Variants in ARHGEF7 observed in about 807,000 individuals in gnomAD.
The protein encoded by ARHGEF7 is Rho guanine nucleotide exchange factor 7.
In ARHGEF7, 33 loss-of-function variants were observed where a neutral mutation model predicts 109.8. The ratio of observed to expected loss-of-function variants is 0.30; its 90% CI spans 0.23 to 0.40. The LOEUF (loss-of-function observed/expected upper bound fraction) is 0.40, where lower values mean the gene tolerates loss of function less well. ARHGEF7 is among the 10% of genes least tolerant of loss of function. The probability of loss-of-function intolerance (pLI) is 1.00; values close to 1 mark genes in which losing one functional copy is unlikely to be tolerated. For missense variants in ARHGEF7, 938 were observed against 1,098.5 expected, an observed-to-expected ratio of 0.85 and a Z score of 2.07; for synonymous variants, 458 against 424.6, an observed-to-expected ratio of 1.08 and a Z score of -0.97.
At chr13:111,189,225 G>T (rs1042402070) in intron 2 of ARHGEF7, among the ~76,000 whole-genome samples, 1 of 152,228 alleles carries the variant, frequency 6.6e-6, no homozygotes, top group African/African-American at 2.4e-5. Flanking sequence ...GTCCGGAATT[G>T]GTTCCTTCTG....
chr13:111,195,929 A>G (rs2080447630), intron 2 of ARHGEF7, among the ~76,000 whole-genome samples: 1 of 152,210 alleles, frequency 6.6e-6, no homozygotes, highest in East Asian at 1.9e-4. Flanking sequence ...GGTCCCTATT[A>G]TAGAACACTG....
At chr13:111,132,545 ATTG>A (rs2074810308) in intron 1 of ARHGEF7, among the ~76,000 whole-genome samples, 1 of 152,152 alleles carries the variant, frequency 6.6e-6, no homozygotes, top group African/African-American at 2.4e-5. Flanking sequence ...GTTGAGGACT[ATTG>A]TTGTGAGAAT....
rs1566877331 is a variant in ARHGEF7, at chr13:111,221,580, T to TATATATCTATATATATAGATACATATCG, written c.670+3706_670+3707insCTATATATATAGATACATATCGATATAT. ...ATATCTATATATATAGATACATATC[T>TATATATCTATATATATAGATACATATCG]ATATATATCTATATATAGATATATA... On this transcript the variant is annotated intron_variant, in intron 5 of 21. Coordinates refer to ENST00000646102, the MANE Select transcript of ARHGEF7 (RefSeq NM_001354046.2). Among the ~76,000 whole-genome samples the TATATATCTATATATATAGATACATATCG allele has an allele frequency of 8.3e-4, 63 of 76,330 alleles. 3 individuals are homozygous for TATATATCTATATATATAGATACATATCG. Among genetic ancestry groups the TATATATCTATATATATAGATACATATCG allele is most frequent in the African/African-American group, 1.1e-3 (21 of 19,766 alleles). The allele number at this position is 76,330 out of a possible 152,430, so 50.1% of individuals were successfully genotyped here.
At chr13:111,249,413 A>T (rs2089422749) in intron 8 of ARHGEF7, among the ~76,000 whole-genome samples, 1 of 151,792 alleles carries the variant, frequency 6.6e-6, no homozygotes, top group African/African-American at 2.4e-5. Context: ...AAGCTTTGAG[A>T]AGTTCAGTAT....
chr13:111,177,517 C>T (rs142299891), intron 2 of ARHGEF7, among the ~76,000 whole-genome samples: 37 of 152,286 alleles, frequency 2.4e-4, no homozygotes, highest in Non-Finnish European at 4.7e-4. Context: ...GAGGGTCACA[C>T]CCCCTGAGAA....
intron 2 of ARHGEF7, among the ~76,000 whole-genome samples, chr13:111,199,869 A>G (rs1489775384): frequency 6.6e-6 from 1 of 152,196 alleles, no homozygotes; most frequent in Non-Finnish European, 1.5e-5. Context: ...AACGGGCACC[A>G]GACAGTGACC....
intron 1 of ARHGEF7, among the ~76,000 whole-genome samples, chr13:111,148,593 G>A (rs2075733974): frequency 6.6e-6 from 1 of 152,164 alleles, no homozygotes; most frequent in Non-Finnish European, 1.5e-5. Flanking sequence ...AAGCTGGTTG[G>A]GCCGTCCCAT....
chr13:111,189,360 T>C (rs2079600618), intron 2 of ARHGEF7, among the ~76,000 whole-genome samples: 1 of 152,212 alleles, frequency 6.6e-6, no homozygotes, highest in Admixed American at 6.5e-5. Context: ...CAGAGTTTCT[T>C]CTTTCCGGTG....
chr13:111,229,723 G>T (rs1205827913), intron 5 of ARHGEF7, among the ~76,000 whole-genome samples: 1 of 152,162 alleles, frequency 6.6e-6, no homozygotes, highest in Non-Finnish European at 1.5e-5. Flanking sequence ...TATTTCTACA[G>T]AGAGGAGTAA....
At chr13:111,295,775 C>A (rs1249070800) in intron 19 of ARHGEF7, among the ~76,000 whole-genome samples, 2 of 152,246 alleles carry the variant, frequency 1.3e-5, no homozygotes, top group East Asian at 1.9e-4. Flanking sequence ...ATTACTAAAT[C>A]GTTTTTAAGT....
intron 8 of ARHGEF7, among the ~76,000 whole-genome samples, chr13:111,253,085 C>G (rs1408725): frequency 0.9 from 136,646 of 152,336 alleles, 61,333 homozygotes; most frequent in Admixed American, 0.93. Context: ...CACTTTGGGA[C>G]AAGAAAGCCT....
At chr13:111,190,141 G>T (rs2079705833) in intron 2 of ARHGEF7, among the ~76,000 whole-genome samples, 1 of 152,194 alleles carries the variant, frequency 6.6e-6, no homozygotes, top group Non-Finnish European at 1.5e-5. Flanking sequence ...CTCATTTGGG[G>T]TTCCATTTGT....
At chr13:111,169,076 G>A (rs778689128) in intron 2 of ARHGEF7, among the ~76,000 whole-genome samples, 18 of 152,154 alleles carry the variant, frequency 1.2e-4, no homozygotes, top group Admixed American at 2.0e-4. Flanking sequence ...CAATAGTAGC[G>A]GTTAAGTTTG....
intron 2 of ARHGEF7, among the ~76,000 whole-genome samples, chr13:111,189,167 T>C (rs2079574249): frequency 2.0e-5 from 3 of 152,190 alleles, no homozygotes; most frequent in African/African-American, 7.2e-5. Context: ...AGAACCAGGG[T>C]GCTTTCTTTC....
intron 8 of ARHGEF7, among the ~76,000 whole-genome samples, chr13:111,248,913 G>A (rs2089337373): frequency 6.6e-6 from 1 of 152,144 alleles, no homozygotes. Context: ...TCTTGATCAT[G>A]TTAGGTTTCC....
At chr13:111,232,908 A>G (rs932465490) in intron 5 of ARHGEF7, among the ~76,000 whole-genome samples, 3 of 152,178 alleles carry the variant, frequency 2.0e-5, no homozygotes, top group African/African-American at 7.2e-5. Context: ...TTGTCCTTGT[A>G]GCTAAACTGC....
intron 19 of ARHGEF7, among the ~76,000 whole-genome samples, chr13:111,298,869 A>G (rs558544135): frequency 6.6e-6 from 1 of 152,346 alleles, no homozygotes; most frequent in South Asian, 2.1e-4. Flanking sequence ...GCCCACTTTA[A>G]CAACAGCCGC....
chr13:111,226,763 A>G (rs1303926413), intron 5 of ARHGEF7, among the ~76,000 whole-genome samples: 2 of 152,246 alleles, frequency 1.3e-5, no homozygotes, highest in Non-Finnish European at 2.9e-5. Flanking sequence ...TTTGGGTCTT[A>G]GCATTTAAGG....
chr13:111,296,463 G>A (rs1016817716), intron 19 of ARHGEF7, among the ~76,000 whole-genome samples: 26 of 152,238 alleles, frequency 1.7e-4, no homozygotes, highest in Admixed American at 1.0e-3. Context: ...GGCAGACACC[G>A]AGCATCTACA....
Sources: gnomAD v4.1 joint callset for allele counts (sites outside exome capture counted in the v4.1 genomes callset) on GRCh38, gnomAD v4.1.1 for gene constraint, MANE v1.5 for transcripts, NCBI Gene and HGNC (gene_info 2026-07-23, HGNC 2026-07-21) for gene names.